Variants in APC observed in about 807,000 individuals in gnomAD.
The protein encoded by APC is adenomatous polyposis coli protein.
A neutral mutation model predicts 247.0 loss-of-function variants in APC; 72 were observed. The ratio of observed to expected loss-of-function variants is 0.29; its 90% CI spans 0.24 to 0.35. APC has a LOEUF of 0.35. Ranked by LOEUF, APC falls within the 10% of genes least tolerant of loss-of-function variation. The probability of loss-of-function intolerance (pLI) is 1.00; values close to 1 mark genes in which losing one functional copy is unlikely to be tolerated. For synonymous variants in APC, 1,254 were observed against 1,162.5 expected (o/e 1.08, Z -1.60); for missense variants, 3,400 against 3,360.7 (o/e 1.01, Z -0.29).
Position 112,839,317 on chromosome 5 carries a change from T to A in APC, c.3723T>A (p.Gly1241=), listed in dbSNP as rs2149897767. ...CAAGTTCTGCACAGAGTAGAAGTGGTCAGCCTCAAAAGGCTGCCACTTGCA... is the reference window on the plus strand; with the variant it reads ...CAAGTTCTGCACAGAGTAGAAGTGGACAGCCTCAAAAGGCTGCCACTTGCA... The part of the protein sequence containing the change: ...LHPSSAQSRS[G]QPQKAATCKV... The change falls in exon 16 of 16, where the codon GGT becomes GGA. Residue 1241 remains glycine (G), a synonymous_variant. Transcript: ENST00000257430. The surrounding 1 kb of genome is among the most constrained non-coding windows in gnomAD (Gnocchi z 5.0). 1.2e-6 allele frequency: 2 copies of A among 1,613,740 alleles called. No individual in the cohort carries two copies. The highest frequency in any genetic ancestry group is 2.2e-5 in the East Asian group (1 of 44,870).
At chr5:112,732,549 G>T (rs553201826) in intron 1 of APC, among the ~76,000 whole-genome samples, 1 of 152,096 alleles carries the variant, frequency 6.6e-6, no homozygotes, top group African/African-American at 2.4e-5. Context: ...CTATTATTCC[G>T]TGAGGGCATC....
chr5:112,766,382 A>C lies in APC; in HGVS notation c.192A>C (p.Gly64=). The C allele has an allele frequency of 6.2e-7, 1 of 1,612,278 alleles. No homozygotes were observed. Among genetic ancestry groups the C allele is most frequent in the Non-Finnish European group, 8.5e-7 (1 of 1,178,520 alleles). The stretch of plus-strand genomic sequence containing the variant: ...AAGATGAAGCTATGGCTTCTTCTGG[A>C]CAGATTGATTTATTAGAGCGTCTTA... ...SIEDEAMASS[G]QIDLLERLKE... is the part of the protein sequence containing the mutation. Residue 64 remains glycine, a synonymous_variant, in exon 3 of 16, where the codon GGA becomes GGC. Transcript: ENST00000257430.
chr5:112,803,580 A>G (rs1309648445), intron 8 of APC, among the ~76,000 whole-genome samples: 1 of 152,164 alleles, frequency 6.6e-6, no homozygotes, highest in African/African-American at 2.4e-5. Flanking sequence ...AATGCAAGAT[A>G]CCCTTAACAC....
At chr5:112,715,486 G>A (rs1358141577) in intron 1 of APC, among the ~76,000 whole-genome samples, 1 of 152,058 alleles carries the variant, frequency 6.6e-6, no homozygotes, top group Non-Finnish European at 1.5e-5. Flanking sequence ...TGAGTGAGGT[G>A]GCCTGTACCA....
chr5:112,708,706 A>G (rs964950928), intron 1 of APC, among the ~76,000 whole-genome samples: 14 of 152,312 alleles, frequency 9.2e-5, no homozygotes, highest in African/African-American at 3.4e-4. Flanking sequence ...CTTTGTTTCT[A>G]TTTAGAAAGG....
chr5:112,738,086 G>C (rs889745761), intron 1 of APC, among the ~76,000 whole-genome samples, 161 bp downstream of exon 1: 1 of 152,178 alleles, frequency 6.6e-6, no homozygotes, highest in African/African-American at 2.4e-5. Flanking sequence ...CCCCACTGCA[G>C]CACTGGAGAT....
chr5:112,780,834 A>G lies in APC; in HGVS notation c.576A>G (p.Glu192=). Residue 192 remains glutamate (E), a synonymous_variant, in exon 6 of 16, where the codon GAA becomes GAG. Coordinates refer to ENST00000257430, the MANE Select transcript of APC (RefSeq NM_000038.6). ...TGACCAGAAGGCAATTGGAATATGA[A>G]GCAAGGCAAATCAGAGTTGCGATGG... is the stretch of plus-strand genomic sequence containing the variant. The part of the protein sequence containing the change: ...TDMTRRQLEY[E]ARQIRVAMEE... The G allele has an allele frequency of 6.2e-7, 1 of 1,613,596 alleles. No individual in the cohort carries two copies. Among genetic ancestry groups the G allele is most frequent in the Non-Finnish European group, 8.5e-7 (1 of 1,179,636 alleles).
At position 112,797,674 on chromosome 5, in the gene APC, G is replaced by A. The variant is rs145411242; in HGVS notation, c.730-3605G>A. Among the ~76,000 whole-genome samples the A allele has an allele frequency of 1.5e-3, 236 of 152,294 alleles. 1 individual carries two copies. The highest frequency in any genetic ancestry group is 2.8e-3 in the Non-Finnish European group (191 of 68,008). On this transcript the variant is annotated intron_variant, in intron 7 of 15. Coordinates refer to ENST00000257430, the MANE Select transcript of APC (RefSeq NM_000038.6). Reference sequence around the variant, plus strand: ...GGGAGCTGTGAGGACAATGCAGTGTGTCTTAAAAGATAATAGCAAATGAAG... The same window carrying A: ...GGGAGCTGTGAGGACAATGCAGTGTATCTTAAAAGATAATAGCAAATGAAG...
intron 1 of APC, among the ~76,000 whole-genome samples, chr5:112,721,509 A>G (rs1041595701): frequency 2.6e-5 from 4 of 152,198 alleles, no homozygotes; most frequent in African/African-American, 4.8e-5. Context: ...GATGATGACA[A>G]GGTCCTGCGT....
chr5:112,722,945 A>G (rs1205239221), intron 1 of APC, among the ~76,000 whole-genome samples: 1 of 152,154 alleles, frequency 6.6e-6, no homozygotes, highest in African/African-American at 2.4e-5. Flanking sequence ...ATCTAAGCCC[A>G]GCAAGGCCTG....
rs863224538 is a variant in APC, at chr5:112,828,846, T to G, written c.1627-10T>G. ...ATGTATAAATTAATCTAAAATTGAT[T>G]AATTTGCAGGTTATTGCGAGTGTTT... On this transcript the variant is annotated splice_polypyrimidine_tract_variant and intron_variant, in intron 13 of 15. Coordinates refer to ENST00000257430, the MANE Select transcript of APC (RefSeq NM_000038.6). 8 of 1,567,096 alleles carry G rather than the reference T, an allele frequency of 5.1e-6. No homozygotes were observed. In the African/African-American group the frequency reaches 9.4e-5, roughly 18 times the overall value.
intron 5 of APC, among the ~76,000 whole-genome samples, chr5:112,776,011 C>G (rs1197206115): frequency 6.6e-6 from 1 of 152,138 alleles, no homozygotes; most frequent in African/African-American, 2.4e-5. Flanking sequence ...TTCAACTAGG[C>G]AACTAGTTTT....
chr5:112,762,619 T>A (rs1755797075), intron 2 of APC, among the ~76,000 whole-genome samples: 1 of 152,212 alleles, frequency 6.6e-6, no homozygotes, highest in African/African-American at 2.4e-5. Context: ...TGATTCCATT[T>A]ATATGAAGGT....
At position 112,840,605 on chromosome 5, in the gene APC, G is replaced by T. The variant is rs587781600; in HGVS notation, c.5011G>T (p.Ala1671Ser). The change falls in exon 16 of 16, where the codon GCT (alanine) becomes TCT (serine). Residue 1671 changes from alanine (A) to serine (S), a missense_variant. Coordinates refer to ENST00000257430, the MANE Select transcript of APC (RefSeq NM_000038.6). This position sits in a 1 kb window ranked among gnomAD's most constrained non-coding sequence, Gnocchi z 4.1. Reference protein sequence around the residue: ...TIESPPNELAAGEGVRGGAQS... With the variant: ...TIESPPNELASGEGVRGGAQS... Reference sequence around the variant, plus strand: ...CGAATCCCCTCCAAATGAGTTAGCTGCTGGAGAAGGAGTTAGAGGAGGGGC... The same window carrying T: ...CGAATCCCCTCCAAATGAGTTAGCTTCTGGAGAAGGAGTTAGAGGAGGGGC... 1 of 1,614,102 alleles carries T rather than the reference G, an allele frequency of 6.2e-7. No homozygotes were observed. The highest frequency in any genetic ancestry group is 8.5e-7 in the Non-Finnish European group (1 of 1,179,994).
intron 1 of APC, 100 bp downstream of exon 1, chr5:112,738,025 G>T: frequency 1.3e-6 from 1 of 785,842 alleles, no homozygotes; most frequent in Non-Finnish European, 1.5e-6. Context: ...CCTTGGCACA[G>T]GGTCCACTGC....
At chr5:112,728,296 G>GT (rs1440387068) in intron 1 of APC, among the ~76,000 whole-genome samples, 5 of 151,788 alleles carry the variant, frequency 3.3e-5, no homozygotes, top group Non-Finnish European at 7.4e-5. Context: ...CCTGCCTATT[G>GT]TTTTTTTGTA....
chr5:112,758,580 T>A (rs901962989), intron 2 of APC, among the ~76,000 whole-genome samples: 1 of 152,066 alleles, frequency 6.6e-6, no homozygotes, highest in African/African-American at 2.4e-5. Context: ...CGCCTCGGCC[T>A]CCCAAAGTGC....
chr5:112,834,196 T>A (rs998517697), intron 14 of APC, among the ~76,000 whole-genome samples: 2 of 150,650 alleles, frequency 1.3e-5, no homozygotes, highest in African/African-American at 4.9e-5. Flanking sequence ...CAGTCAGCCT[T>A]CCAAAGTGCT....
chr5:112,833,399 T>A (rs1764520798), intron 14 of APC, among the ~76,000 whole-genome samples: 1 of 152,114 alleles, frequency 6.6e-6, no homozygotes, highest in Admixed American at 6.5e-5. Flanking sequence ...ATCAGGATGG[T>A]CTCGATCTCC....
Sources: allele counts gnomAD v4.1 joint callset (sites outside exome capture counted in the v4.1 genomes callset), GRCh38; gene constraint gnomAD v4.1.1; non-coding constraint Gnocchi (gnomAD v3.1); transcripts MANE v1.5; gene names NCBI Gene and HGNC (gene_info 2026-07-23, HGNC 2026-07-21).